ZBTB7C: variants seen among roughly 807,000 people sequenced by gnomAD.
The protein encoded by ZBTB7C is zinc finger and BTB domain-containing protein 7C.
In ZBTB7C, 8 loss-of-function variants were observed where a neutral mutation model predicts 25.7. The ratio of observed to expected loss-of-function variants is 0.31; its 90% CI spans 0.18 to 0.56. The LOEUF (loss-of-function observed/expected upper bound fraction) is 0.56. Ranked by LOEUF, ZBTB7C falls within the 20% of genes least tolerant of loss-of-function variation. The pLI, the probability that ZBTB7C is intolerant of heterozygous loss-of-function variation, is 0.91. For synonymous variants in ZBTB7C, 394 were observed against 369.0 expected (o/e 1.07, Z -0.78); for missense variants, 824 against 855.2 (o/e 0.96, Z 0.46).
intron 4 of ZBTB7C, among the ~76,000 whole-genome samples, chr18:48,034,323 C>T (rs2035878746): frequency 1.3e-5 from 2 of 152,132 alleles, no homozygotes; most frequent in South Asian, 4.1e-4. Flanking sequence ...CTTTGAACAC[C>T]TGCAGGTATG....
intron 2 of ZBTB7C, among the ~76,000 whole-genome samples, chr18:48,218,815 C>T (rs1435621662): frequency 6.6e-6 from 1 of 152,214 alleles, no homozygotes; most frequent in Non-Finnish European, 1.5e-5. Context: ...GCTCCATCCA[C>T]CACTAGCCCT....
chr18:48,087,122 A>C (rs977750752), intron 3 of ZBTB7C, among the ~76,000 whole-genome samples: 4 of 152,190 alleles, frequency 2.6e-5, no homozygotes, highest in African/African-American at 9.7e-5. Flanking sequence ...ACTGACTTCA[A>C]GTCTTCCAGC....
intron 2 of ZBTB7C, among the ~76,000 whole-genome samples, chr18:48,241,576 G>A (rs1368868618): frequency 1.3e-5 from 2 of 152,014 alleles, no homozygotes; most frequent in African/African-American, 2.4e-5. Context: ...ACAAAGACAT[G>A]GAAATTAAAT....
At chr18:48,223,272 C>T (rs192259872) in intron 2 of ZBTB7C, among the ~76,000 whole-genome samples, 2 of 152,168 alleles carry the variant, frequency 1.3e-5, no homozygotes, top group African/African-American at 4.8e-5. Flanking sequence ...CAGTAGAGGC[C>T]CCCAGATAAA....
intron 1 of ZBTB7C, among the ~76,000 whole-genome samples, chr18:48,382,404 G>T (rs1328377951): frequency 6.6e-6 from 1 of 152,146 alleles, no homozygotes; most frequent in African/African-American, 2.4e-5. Context: ...CTATGCCACG[G>T]CTATTTCCAC....
chr18:48,197,657 C>T (rs1464853024), intron 2 of ZBTB7C, among the ~76,000 whole-genome samples: 4 of 152,158 alleles, frequency 2.6e-5, no homozygotes, highest in African/African-American at 9.7e-5. Context: ...GGGCTCTGCT[C>T]TTGGTTTCAG....
chr18:48,116,358 G>T (rs892444198), intron 3 of ZBTB7C, among the ~76,000 whole-genome samples: 1 of 152,216 alleles, frequency 6.6e-6, no homozygotes, highest in Admixed American at 6.5e-5. Flanking sequence ...CTCCATGTGT[G>T]CTTGCTCAAT....
At chr18:48,116,199 CTG>C (rs1370212598) in intron 3 of ZBTB7C, among the ~76,000 whole-genome samples, 1 of 152,144 alleles carries the variant, frequency 6.6e-6, no homozygotes, top group African/African-American at 2.4e-5. Context: ...AGACTCCTCA[CTG>C]TGCTGAAGGC....
At chr18:48,176,244 A>T (rs534056715) in intron 3 of ZBTB7C, among the ~76,000 whole-genome samples, 51 of 152,368 alleles carry the variant, frequency 3.3e-4, no homozygotes, top group African/African-American at 1.2e-3. Flanking sequence ...AGGAAACATC[A>T]GACAAATTCA....
intron 3 of ZBTB7C, among the ~76,000 whole-genome samples, chr18:48,062,435 C>A (rs2037162437): frequency 6.6e-6 from 1 of 152,184 alleles, no homozygotes. Flanking sequence ...CAGTCAGAAC[C>A]CCTGAACACT....
At chr18:48,236,871 G>A (rs2043393586) in intron 2 of ZBTB7C, among the ~76,000 whole-genome samples, 2 of 152,154 alleles carry the variant, frequency 1.3e-5, no homozygotes, top group Non-Finnish European at 2.9e-5. Flanking sequence ...CTTTGCAGAG[G>A]AAATTTAATA....
At chr18:48,051,301 C>T (rs911765472) in intron 3 of ZBTB7C, among the ~76,000 whole-genome samples, 4 of 152,208 alleles carry the variant, frequency 2.6e-5, no homozygotes, top group African/African-American at 9.6e-5. Flanking sequence ...GGGGAAGCCT[C>T]ACACCTGGGC....
intron 1 of ZBTB7C, among the ~76,000 whole-genome samples, chr18:48,355,986 C>A (rs868801591): frequency 9.2e-5 from 14 of 152,176 alleles, no homozygotes; most frequent in South Asian, 8.3e-4. Flanking sequence ...ACAGCAGCAA[C>A]AGGCAACTTG....
At chr18:48,176,256 C>T (rs79533821) in intron 3 of ZBTB7C, among the ~76,000 whole-genome samples, 10,978 of 152,236 alleles carry the variant, frequency 0.072, 580 homozygotes, top group Admixed American at 0.18. Context: ...ACAAATTCAA[C>T]ATGAGGAATA....
intron 2 of ZBTB7C, among the ~76,000 whole-genome samples, chr18:48,215,514 G>A (rs1293242966): frequency 6.6e-6 from 1 of 152,152 alleles, no homozygotes; most frequent in Non-Finnish European, 1.5e-5. Context: ...ACAAACCATT[G>A]GTGGATTCAA....
intron 1 of ZBTB7C, among the ~76,000 whole-genome samples, chr18:48,391,610 A>G (rs1375155342): frequency 6.6e-6 from 1 of 152,062 alleles, no homozygotes; most frequent in African/African-American, 2.4e-5. Flanking sequence ...TCAGCTGTTA[A>G]CAATCACTGC....
At chr18:48,279,663 C>A (rs1416710797) in intron 2 of ZBTB7C, among the ~76,000 whole-genome samples, 1 of 152,188 alleles carries the variant, frequency 6.6e-6, no homozygotes, top group Non-Finnish European at 1.5e-5. Context: ...AATGAAGGCA[C>A]CCCCAGTCTT....
intron 2 of ZBTB7C, among the ~76,000 whole-genome samples, chr18:48,193,784 G>A (rs987461866): frequency 2.6e-5 from 4 of 152,244 alleles, no homozygotes; most frequent in African/African-American, 9.6e-5. Context: ...TGCCTCGTCA[G>A]TGTGGAGACA....
Position 48,073,148 on chromosome 18 carries a change from C to A in ZBTB7C, c.-16-32025G>T, listed in dbSNP as rs574967795. Among the ~76,000 whole-genome samples the A allele has an allele frequency of 2.6e-4, 39 of 152,278 alleles. No individual in the cohort carries two copies. In the Middle Eastern group the frequency reaches 0.024, roughly 93 times the overall value. ...GGAGAGGAGACCTTGGGCAGCTGCA[C>A]GTCGCAATTAAACTGGACTTGTCCG... On this transcript the variant is annotated intron_variant, in intron 3 of 4. Transcript: ENST00000590800.
Sources: allele counts gnomAD v4.1 joint callset (sites outside exome capture counted in the v4.1 genomes callset), GRCh38; gene constraint gnomAD v4.1.1; transcripts MANE v1.5; gene names NCBI Gene and HGNC (gene_info 2026-07-23, HGNC 2026-07-21).